PDE1C: variants seen among roughly 807,000 people sequenced by gnomAD.
PDE1C encodes the protein phosphodiesterase 1C, also known as dual specificity calcium/calmodulin-dependent 3',5'-cyclic nucleotide phosphodiesterase 1C.
A neutral mutation model predicts 93.1 loss-of-function variants in PDE1C; 62 were observed. The ratio of observed to expected loss-of-function variants is 0.67; its 90% CI spans 0.54 to 0.82. PDE1C has a LOEUF of 0.82. PDE1C is among the 40% of genes least tolerant of loss of function. The pLI, the probability that PDE1C is intolerant of heterozygous loss-of-function variation, is 0.00. For missense variants in PDE1C, 742 were observed against 884.6 expected (o/e 0.84, Z 2.04); for synonymous variants, 325 against 310.1 (o/e 1.05, Z -0.50).
chr7:32,265,832 G>A (rs1441819701), intron 1 of PDE1C, among the ~76,000 whole-genome samples: 1 of 152,130 alleles, frequency 6.6e-6, no homozygotes, highest in Non-Finnish European at 1.5e-5. Flanking sequence ...CACTTCCAAT[G>A]GAGCAATCAG....
the PDE1C span, among the ~76,000 whole-genome samples, chr7:31,675,294 C>T: frequency 1.3e-5 from 2 of 152,142 alleles, no homozygotes; most frequent in Non-Finnish European, 2.9e-5. Context: ...TTACCTTCTT[C>T]CAGATTTGTG....
At chr7:32,409,501 A>G (rs1217548531) in intron 1 of PDE1C, among the ~76,000 whole-genome samples, 1 of 152,238 alleles carries the variant, frequency 6.6e-6, no homozygotes, top group African/African-American at 2.4e-5. Flanking sequence ...CATTGCAAAA[A>G]GCCAGTATAA....
At chr7:32,306,816 A>C (rs1375817205) in intron 1 of PDE1C, among the ~76,000 whole-genome samples, 2 of 152,194 alleles carry the variant, frequency 1.3e-5, no homozygotes, top group Non-Finnish European at 2.9e-5. Flanking sequence ...CACATACAAG[A>C]GGACTTAGGA....
chr7:31,993,848 C>T (rs1327846596), intron 2 of PDE1C, among the ~76,000 whole-genome samples: 1 of 152,064 alleles, frequency 6.6e-6, no homozygotes, highest in African/African-American at 2.4e-5. Flanking sequence ...TAAAGTGATC[C>T]CTTAACAACA....
chr7:31,789,559 G>A, intron 16 of PDE1C: 4 of 691,990 alleles, frequency 5.8e-6, no homozygotes, highest in Non-Finnish European at 7.1e-6. Context: ...ACTAATGAAT[G>A]CACAGAGAAA....
intron 4 of PDE1C, 112 bp from the exon 5 acceptor site, chr7:31,878,148 A>G (rs1796822075): frequency 1.5e-6 from 1 of 647,664 alleles, no homozygotes; most frequent in African/African-American, 1.9e-5. Context: ...GGGGTGATCC[A>G]AAGAACCTAA....
intron 17 of PDE1C, among the ~76,000 whole-genome samples, chr7:31,762,329 AAGC>A (rs1260108928): frequency 6.6e-6 from 1 of 152,144 alleles, no homozygotes; most frequent in African/African-American, 2.4e-5. Flanking sequence ...TAGAATGATT[AAGC>A]CCATTATCTA....
intron 3 of PDE1C, among the ~76,000 whole-genome samples, chr7:32,153,880 T>C (rs1395014654): frequency 6.6e-6 from 1 of 152,180 alleles, no homozygotes; most frequent in Non-Finnish European, 1.5e-5. Flanking sequence ...CCTTTTTCTC[T>C]CTCTTTCCCC....
the PDE1C span, among the ~76,000 whole-genome samples, chr7:31,730,197 A>T: frequency 1.4e-4 from 22 of 152,310 alleles, no homozygotes; most frequent in East Asian, 3.7e-3. Context: ...TACACTAATT[A>T]GGTAGTTCAC....
chr7:31,712,484 C>A, the PDE1C span, among the ~76,000 whole-genome samples: 1 of 152,204 alleles, frequency 6.6e-6, no homozygotes, highest in Non-Finnish European at 1.5e-5. Flanking sequence ...TCTGTGGCAC[C>A]AGGGAGTCCT....
the PDE1C span, among the ~76,000 whole-genome samples, chr7:31,645,281 A>C: frequency 6.6e-6 from 1 of 152,210 alleles, no homozygotes; most frequent in South Asian, 2.1e-4. Flanking sequence ...TTGGCCTTTC[A>C]ATGTATAGAA....
intron 2 of PDE1C, among the ~76,000 whole-genome samples, chr7:31,943,782 A>G (rs1183233493): frequency 2.0e-5 from 3 of 152,208 alleles, no homozygotes; most frequent in Non-Finnish European, 4.4e-5. Context: ...AGAATTTCAG[A>G]TACTGGGATC....
chr7:31,640,305 G>C, the PDE1C span, among the ~76,000 whole-genome samples: 1 of 152,090 alleles, frequency 6.6e-6, no homozygotes, highest in African/African-American at 2.4e-5. Flanking sequence ...CTTTCTGATG[G>C]TTCTCTTCCC....
chr7:32,173,968 A>T (rs1802818720), intron 2 of PDE1C, among the ~76,000 whole-genome samples: 3 of 152,176 alleles, frequency 2.0e-5, no homozygotes, highest in Admixed American at 2.0e-4. Context: ...GCTTGTGTCT[A>T]TCAAGAGAAA....
chr7:31,658,298 CCT>C, the PDE1C span: 2 of 1,494,476 alleles, frequency 1.3e-6, no homozygotes, highest in Non-Finnish European at 8.8e-7. Flanking sequence ...GAGCTGGATC[CCT>C]TTTTTTTTTC....
At chr7:32,279,352 G>A (rs1421576021) in intron 1 of PDE1C, among the ~76,000 whole-genome samples, 1 of 152,174 alleles carries the variant, frequency 6.6e-6, no homozygotes, top group African/African-American at 2.4e-5. Context: ...TCGGTCAACA[G>A]GTACAAAGTT....
intron 2 of PDE1C, among the ~76,000 whole-genome samples, chr7:31,917,810 T>C (rs999045329): frequency 6.6e-6 from 1 of 152,202 alleles, no homozygotes. Flanking sequence ...CTTGATCAAC[T>C]TGCCTTATCA....
intron 2 of PDE1C, among the ~76,000 whole-genome samples, chr7:32,007,823 C>T (rs995686327): frequency 1.3e-5 from 2 of 152,160 alleles, no homozygotes; most frequent in African/African-American, 4.8e-5. Flanking sequence ...ATACCTAAAA[C>T]AGTACGTGGC....
At chr7:32,210,086 C>T (rs866909689) in intron 1 of PDE1C, among the ~76,000 whole-genome samples, 1 of 152,210 alleles carries the variant, frequency 6.6e-6, no homozygotes, top group Non-Finnish European at 1.5e-5. Context: ...GTTCAGAAAA[C>T]TGCCCTAGAA....
Sources: gnomAD v4.1 joint callset for allele counts (sites outside exome capture counted in the v4.1 genomes callset) on GRCh38, gnomAD v4.1.1 for gene constraint, MANE v1.5 for transcripts, NCBI Gene and HGNC (gene_info 2026-07-23, HGNC 2026-07-21) for gene names.